Variants in SH3D19 observed in about 807,000 individuals in gnomAD.
SH3D19 encodes the protein SH3 domain-containing protein 19.
SH3D19 carries 58 observed loss-of-function variants against 112.1 expected under a neutral mutation model. The observed-to-expected ratio is 0.52, with a 90% CI of 0.42 to 0.64. The LOEUF is 0.64. SH3D19 is among the 30% of genes least tolerant of loss of function. SH3D19 has a pLI of 0.00. For synonymous variants in SH3D19, 391 were observed against 448.5 expected, an observed-to-expected ratio of 0.87 and a Z score of 1.62; for missense variants, 1,090 against 1,263.4, an observed-to-expected ratio of 0.86 and a Z score of 2.08.
chr4:151,283,440 T>C (rs1206985938), intron 1 of SH3D19, among the ~76,000 whole-genome samples: 1 of 151,890 alleles, frequency 6.6e-6, no homozygotes, highest in Non-Finnish European at 1.5e-5. Context: ...TTAACTTCTA[T>C]CTGTGAAATC....
chr4:151,313,807 T>G (rs796496177), intron 1 of SH3D19, among the ~76,000 whole-genome samples: 13 of 152,158 alleles, frequency 8.5e-5, no homozygotes, highest in African/African-American at 2.9e-4. Context: ...GGAATCTTTG[T>G]GAAGGAATGA....
chr4:151,148,580 T>C (rs1042809154), intron 10 of SH3D19, among the ~76,000 whole-genome samples: 1 of 152,326 alleles, frequency 6.6e-6, no homozygotes, highest in Admixed American at 6.5e-5. Context: ...ACGATGTATG[T>C]GTGCTGGGGT....
At chr4:151,246,485 C>T (rs1580319137) in intron 1 of SH3D19, among the ~76,000 whole-genome samples, 1 of 152,092 alleles carries the variant, frequency 6.6e-6, no homozygotes, top group South Asian at 2.1e-4. Context: ...GTAATTTGGG[C>T]CTTTAAAAAG....
intron 1 of SH3D19, among the ~76,000 whole-genome samples, chr4:151,228,738 T>C (rs1769341276): frequency 6.6e-6 from 1 of 152,252 alleles, no homozygotes; most frequent in Non-Finnish European, 1.5e-5. Context: ...AGCCCAAGAA[T>C]GAGAACAGAT....
At chr4:151,275,025 A>G (rs996870258) in intron 1 of SH3D19, among the ~76,000 whole-genome samples, 1 of 152,124 alleles carries the variant, frequency 6.6e-6, no homozygotes, top group African/African-American at 2.4e-5. Context: ...TTACCTCTTT[A>G]AAGACCTTAT....
intron 1 of SH3D19, among the ~76,000 whole-genome samples, chr4:151,256,842 G>C (rs771670287): frequency 6.6e-6 from 1 of 152,048 alleles, no homozygotes; most frequent in African/African-American, 2.4e-5. Flanking sequence ...CTGGGTTCAA[G>C]CGATTCTCCT....
chr4:151,325,304 G>C lies in SH3D19; in HGVS notation c.49C>G (p.Arg17Gly), dbSNP rs920259494. 4.9e-6 allele frequency: 6 copies of C among 1,219,700 alleles called. No homozygotes were observed. The highest frequency in any genetic ancestry group is 6.1e-6 in the Non-Finnish European group (6 of 980,180). The allele number at this position is 1,219,700 out of a possible 1,614,324, so 75.6% of individuals were successfully genotyped here. The part of the protein sequence containing the change: ...REDEEEELRE[R>G]RELGGQRRAR... ...CGGCGCTGGCCACCAAGTTCGCGGCGCTCGCGTAGCTCTTCCTCCTCGTCC... is the reference window on the plus strand; with the variant it reads ...CGGCGCTGGCCACCAAGTTCGCGGCCCTCGCGTAGCTCTTCCTCCTCGTCC... Residue 17 changes from arginine to glycine, a missense_variant, in exon 1 of 20, where the codon CGC becomes GGC. Physicochemically the swap from Arg to Gly is moderately radical, Grantham distance 125. Coordinates refer to ENST00000604030, the MANE Select transcript of SH3D19 (RefSeq NM_001378122.1).
intron 1 of SH3D19, among the ~76,000 whole-genome samples, chr4:151,308,427 T>G (rs1391632028): frequency 6.6e-6 from 1 of 152,218 alleles, no homozygotes; most frequent in Non-Finnish European, 1.5e-5. Flanking sequence ...CCACAGGCCC[T>G]AGGTCCCATC....
chr4:151,189,880 A>T (rs967922820), intron 2 of SH3D19, among the ~76,000 whole-genome samples: 5 of 152,202 alleles, frequency 3.3e-5, no homozygotes, highest in Admixed American at 6.5e-5. Context: ...ACTGGGTAAC[A>T]GGCAGGGGTT....
At chr4:151,197,321 C>G (rs1763625388) in intron 2 of SH3D19, among the ~76,000 whole-genome samples, 1 of 152,208 alleles carries the variant, frequency 6.6e-6, no homozygotes, top group Admixed American at 6.5e-5. Flanking sequence ...GATACTTGCA[C>G]ATGCATATTT....
intron 10 of SH3D19, among the ~76,000 whole-genome samples, chr4:151,149,219 G>A (rs1754491787): frequency 6.6e-6 from 1 of 152,014 alleles, no homozygotes; most frequent in Non-Finnish European, 1.5e-5. Context: ...GCATGTATAC[G>A]TATATTCTAG....
chr4:151,200,602 A>G (rs1580124785), intron 2 of SH3D19, among the ~76,000 whole-genome samples: 1 of 152,220 alleles, frequency 6.6e-6, no homozygotes, highest in East Asian at 1.9e-4. Flanking sequence ...CAAAACTGGC[A>G]AATTAGGGTT....
intron 1 of SH3D19, among the ~76,000 whole-genome samples, chr4:151,299,943 T>G (rs1728202372): frequency 6.6e-6 from 1 of 152,218 alleles, no homozygotes; most frequent in Non-Finnish European, 1.5e-5. Context: ...GGCTCACGCC[T>G]GTAATCCTAG....
intron 1 of SH3D19, among the ~76,000 whole-genome samples, chr4:151,238,426 G>A (rs1207315122): frequency 6.6e-6 from 1 of 152,146 alleles, no homozygotes; most frequent in Admixed American, 6.5e-5. Context: ...GCTGTTAAGG[G>A]TAAAAATAAA....
At chr4:151,223,998 A>C (rs1230523689) in intron 2 of SH3D19, among the ~76,000 whole-genome samples, 1 of 152,130 alleles carries the variant, frequency 6.6e-6, no homozygotes, top group East Asian at 1.9e-4. Flanking sequence ...GTGGACCCCA[A>C]ATTGAACAGA....
At chr4:151,155,853 C>T (rs886521748) in intron 9 of SH3D19, among the ~76,000 whole-genome samples, 1 of 152,182 alleles carries the variant, frequency 6.6e-6, no homozygotes, top group East Asian at 1.9e-4. Context: ...CGTGCCACTG[C>T]ACTCCAACCT....
chr4:151,321,682 C>G (rs1260183630), intron 1 of SH3D19, among the ~76,000 whole-genome samples: 1 of 152,152 alleles, frequency 6.6e-6, no homozygotes, highest in Non-Finnish European at 1.5e-5. Context: ...TGTGATTTCT[C>G]TCTTAATTAC....
At chr4:151,280,380 C>T (rs1774099099) in intron 1 of SH3D19, among the ~76,000 whole-genome samples, 1 of 152,130 alleles carries the variant, frequency 6.6e-6, no homozygotes, top group African/African-American at 2.4e-5. Context: ...AGTTTGGACA[C>T]AGATCCTCCC....
At chr4:151,200,685 A>G (rs1209061761) in intron 2 of SH3D19, among the ~76,000 whole-genome samples, 1 of 152,242 alleles carries the variant, frequency 6.6e-6, no homozygotes, top group African/African-American at 2.4e-5. Context: ...TGCACGTTCA[A>G]CCTAAAAGCA....
Sources: gnomAD v4.1 joint callset for allele counts (sites outside exome capture counted in the v4.1 genomes callset) on GRCh38, gnomAD v4.1.1 for gene constraint, MANE v1.5 for transcripts, NCBI Gene and HGNC (gene_info 2026-07-23, HGNC 2026-07-21) for gene names.